Variants in NALF1 observed in about 807,000 individuals in gnomAD.
NALF1 encodes the protein NALCN channel auxiliary factor 1.
A neutral mutation model predicts 48.4 loss-of-function variants in NALF1; 3 were observed. The observed-to-expected ratio is 0.06, with a 90% confidence interval of 0.03 to 0.16. NALF1 has a LOEUF of 0.16. Ranked by LOEUF, NALF1 falls within the 10% of genes least tolerant of loss-of-function variation. NALF1 has a pLI of 1.00. For synonymous variants in NALF1, 262 were observed against 245.7 expected (o/e 1.07, Z -0.62); for missense variants, 526 against 571.5 (o/e 0.92, Z 0.81).
chr13:107,721,464 G>C (rs1043382736), intron 1 of NALF1, among the ~76,000 whole-genome samples: 9 of 152,152 alleles, frequency 5.9e-5, no homozygotes, highest in African/African-American at 2.2e-4. Context: ...TTTTTGAATG[G>C]AGCAGGTAAA....
chr13:107,768,995 A>T (rs1877497072), intron 1 of NALF1, among the ~76,000 whole-genome samples: 1 of 151,958 alleles, frequency 6.6e-6, no homozygotes, highest in East Asian at 1.9e-4. Context: ...ATGAGATACC[A>T]TCTCACACCA....
chr13:107,450,838 T>G (rs919617298), intron 1 of NALF1, among the ~76,000 whole-genome samples: 4 of 152,236 alleles, frequency 2.6e-5, no homozygotes, highest in African/African-American at 9.6e-5. Context: ...TTGCCAATAC[T>G]AAATATTTAA....
chr13:107,696,551 AGTGTGTGTGTGTGTGTGT>A (rs58345595), intron 1 of NALF1, among the ~76,000 whole-genome samples: 3 of 146,816 alleles, frequency 2.0e-5, no homozygotes, highest in Non-Finnish European at 3.0e-5. Flanking sequence ...CTCCAAGTTG[AGTGTGTGTGTGTGTGTGT>A]GTGTGTGTGT....
intron 1 of NALF1, among the ~76,000 whole-genome samples, chr13:107,751,453 C>T (rs537970010): frequency 6.6e-6 from 1 of 152,318 alleles, no homozygotes; most frequent in East Asian, 1.9e-4. Context: ...AAATAACTAA[C>T]TGGCTTGACT....
intron 2 of NALF1, among the ~76,000 whole-genome samples, chr13:107,177,374 T>C (rs1449037004): frequency 6.6e-6 from 1 of 152,172 alleles, no homozygotes; most frequent in Non-Finnish European, 1.5e-5. Flanking sequence ...ATAATGTTCT[T>C]CACAGAAATA....
At chr13:107,799,871 T>C (rs1208217689) in intron 1 of NALF1, among the ~76,000 whole-genome samples, 1 of 152,054 alleles carries the variant, frequency 6.6e-6, no homozygotes, top group African/African-American at 2.4e-5. Flanking sequence ...GTGAAAAATC[T>C]CTAGAATTTC....
chr13:107,759,296 C>A (rs1877200810), intron 1 of NALF1, among the ~76,000 whole-genome samples: 1 of 152,178 alleles, frequency 6.6e-6, no homozygotes, highest in Non-Finnish European at 1.5e-5. Context: ...GGATCCTCTG[C>A]CTCCCGGGTT....
chr13:107,494,686 TA>T (rs1445448885), intron 1 of NALF1, among the ~76,000 whole-genome samples: 12 of 152,212 alleles, frequency 7.9e-5, no homozygotes, highest in Admixed American at 7.2e-4. Flanking sequence ...GTTATTAGTT[TA>T]ATTTCTGACA....
chr13:107,843,344 T>C (rs1880090029), intron 1 of NALF1, among the ~76,000 whole-genome samples: 1 of 152,126 alleles, frequency 6.6e-6, no homozygotes, highest in Non-Finnish European at 1.5e-5. Flanking sequence ...GGGATGAAGT[T>C]TGAGGCTAGA....
intron 1 of NALF1, among the ~76,000 whole-genome samples, chr13:107,605,172 T>G (rs887651821): frequency 6.6e-6 from 1 of 152,206 alleles, no homozygotes; most frequent in Non-Finnish European, 1.5e-5. Flanking sequence ...TGTCAAGGCA[T>G]GGCTTTCATT....
chr13:107,841,797 C>CT (rs200351674), intron 1 of NALF1, among the ~76,000 whole-genome samples: 2,906 of 151,898 alleles, frequency 0.019, 51 homozygotes, highest in African/African-American at 0.046. Context: ...AAATGTACGC[C>CT]TTTTTTTATA....
chr13:107,582,938 C>T (rs887821128), intron 1 of NALF1, among the ~76,000 whole-genome samples: 3 of 152,164 alleles, frequency 2.0e-5, no homozygotes, highest in African/African-American at 7.2e-5. Flanking sequence ...AAATCCAAAG[C>T]CATTCTGACC....
rs1594099252 is a variant in NALF1 at position 107,272,262 on chromosome 13, C to T, written c.916-61507G>A. 1.7e-4 allele frequency among the ~76,000 whole-genome samples: 2 copies of T among 11,896 alleles called. 1 individual carries two copies. Among genetic ancestry groups the T allele is most frequent in the Non-Finnish European group, 5.1e-4 (2 of 3,908 alleles). The allele number at this position is 11,896 out of a possible 152,430, so 7.8% of individuals were successfully genotyped here. ...TCGCTCTGTCGCCCAGGCCGGACTG[C>T]GGACTGCAGTGGCGCAATCTCGGCT... is the stretch of plus-strand genomic sequence containing the variant. On this transcript the variant is annotated intron_variant, in intron 1 of 2. Transcript: ENST00000375915.
chr13:107,425,589 C>G (rs74114518), intron 1 of NALF1, among the ~76,000 whole-genome samples: 77 of 152,080 alleles, frequency 5.1e-4, no homozygotes, highest in African/African-American at 1.8e-3. Context: ...TATCAGATAT[C>G]TCTGTACAAT....
chr13:107,771,190 T>C (rs924364633), intron 1 of NALF1, among the ~76,000 whole-genome samples: 5 of 152,176 alleles, frequency 3.3e-5, no homozygotes, highest in Admixed American at 6.6e-5. Context: ...AAATTTTACT[T>C]TCTGGATGTT....
chr13:107,466,976 G>A (rs780789246), intron 1 of NALF1, among the ~76,000 whole-genome samples: 1 of 151,988 alleles, frequency 6.6e-6, no homozygotes, highest in Non-Finnish European at 1.5e-5. Context: ...ATTTATTCTG[G>A]CTTTTTCATT....
intron 1 of NALF1, among the ~76,000 whole-genome samples, chr13:107,385,384 CT>C (rs1243013145): frequency 6.6e-6 from 1 of 151,962 alleles, no homozygotes; most frequent in Admixed American, 6.6e-5. Context: ...AAAACTCCGT[CT>C]CTACTAAAAG....
intron 1 of NALF1, among the ~76,000 whole-genome samples, chr13:107,583,883 T>C (rs1998564): frequency 0.55 from 84,186 of 151,848 alleles, 23,802 homozygotes; most frequent in African/African-American, 0.65. Context: ...TTTCTCTCTT[T>C]TCCTCATTAA....
At chr13:107,375,448 A>G (rs561636922) in intron 1 of NALF1, among the ~76,000 whole-genome samples, 2 of 152,334 alleles carry the variant, frequency 1.3e-5, no homozygotes, top group South Asian at 4.1e-4. Context: ...TATATTAAAC[A>G]AGCAAAGTCA....
Sources: gnomAD v4.1 joint callset for allele counts (sites outside exome capture counted in the v4.1 genomes callset) on GRCh38, gnomAD v4.1.1 for gene constraint, MANE v1.5 for transcripts, NCBI Gene and HGNC (gene_info 2026-07-23, HGNC 2026-07-21) for gene names.